The following RTTN variants were observed in gnomAD, a reference collection of about 807,000 sequenced individuals.
RTTN encodes the protein rotatin.
In RTTN, 182 loss-of-function variants were observed where a neutral mutation model predicts 269.2. That is an observed-to-expected ratio of 0.68 (90% CI 0.60 to 0.76). The LOEUF (loss-of-function observed/expected upper bound fraction) is 0.76, where lower values mean the gene tolerates loss of function less well. Among genes scored for constraint, RTTN ranks in the 30% least tolerant of loss-of-function variants. The pLI, the probability that RTTN is intolerant of heterozygous loss-of-function variation, is 0.00. For missense variants in RTTN, 2,545 were observed against 2,608.6 expected (o/e 0.98, Z 0.53); for synonymous variants, 1,006 against 963.5 (o/e 1.04, Z -0.82).
intron 43 of RTTN, among the ~76,000 whole-genome samples, chr18:70,026,510 A>C (rs1599156604): frequency 6.6e-6 from 1 of 152,138 alleles, no homozygotes; most frequent in East Asian, 1.9e-4. Flanking sequence ...CCTTCTTGTC[A>C]TGATTGGAAG....
At chr18:70,023,570 T>G (rs1202424981) in intron 44 of RTTN, among the ~76,000 whole-genome samples, 1 of 152,144 alleles carries the variant, frequency 6.6e-6, no homozygotes, top group African/African-American at 2.4e-5. Context: ...TTTCTCCAAA[T>G]GAAGTTCACC....
intron 32 of RTTN, among the ~76,000 whole-genome samples, chr18:70,080,461 G>A (rs571544976): frequency 6.6e-6 from 1 of 152,230 alleles, no homozygotes; most frequent in African/African-American, 2.4e-5. Flanking sequence ...CCTGGCCAAA[G>A]CAAGAATGAT....
Position 70,193,326 on chromosome 18 carries a change from G to A in RTTN, c.969C>T (p.Pro323=), listed in dbSNP as rs1408341869. 3.7e-6 allele frequency: 6 copies of A among 1,611,314 alleles called. No individual in the cohort carries two copies. The highest frequency in any genetic ancestry group is 5.1e-6 in the Non-Finnish European group (6 of 1,178,720). The change falls in exon 8 of 49, where the codon CCC becomes CCT. Residue 323 remains proline, a synonymous_variant. Coordinates refer to ENST00000640769, the MANE Select transcript of RTTN (RefSeq NM_173630.4). ...CATCCCAGTCCTGGCCATCTCCTCTGGGTCGCTGGCCTGTGCGCCCAACCA... is the reference window on the plus strand; with the variant it reads ...CATCCCAGTCCTGGCCATCTCCTCTAGGTCGCTGGCCTGTGCGCCCAACCA... ...PSVVGRTGQR[P]RGDGQDWDAA...
At chr18:70,013,413 C>CTGTGTG (rs150097969) in intron 46 of RTTN, among the ~76,000 whole-genome samples, 2 of 145,572 alleles carry the variant, frequency 1.4e-5, no homozygotes, top group Non-Finnish European at 3.0e-5. Flanking sequence ...GTGTGTGTGT[C>CTGTGTG]TGTGTGTGTG....
intron 28 of RTTN, among the ~76,000 whole-genome samples, chr18:70,105,298 A>G (rs2059292750): frequency 6.6e-6 from 1 of 152,230 alleles, no homozygotes; most frequent in African/African-American, 2.4e-5. Flanking sequence ...CCTCCAAGCC[A>G]GGCGTGGGAT....
chr18:70,109,639 C>T lies in RTTN; in HGVS notation c.3762G>A (p.Ala1254=), dbSNP rs114459491. Residue 1254 remains alanine (A), a synonymous_variant, in exon 28 of 49, where the codon GCG becomes GCA. Coordinates refer to ENST00000640769, the MANE Select transcript of RTTN (RefSeq NM_173630.4). ...GGGACGGCAGGCCATAGAAATGAGG[C>T]GCATCCGTCACTTTCAGACACTGGA... is the stretch of plus-strand genomic sequence containing the variant. ...KLLQCLKVTD[A]PHFYGLPSLE... is the part of the protein sequence containing the mutation. The T allele has an allele frequency of 9.0e-4, 1,452 of 1,613,974 alleles. 12 individuals are homozygous for T. The African/African-American group carries it at 0.017, about 19-fold the overall frequency.
At chr18:70,160,161 G>A (rs1249782158) in intron 14 of RTTN, among the ~76,000 whole-genome samples, 1 of 151,188 alleles carries the variant, frequency 6.6e-6, no homozygotes, top group East Asian at 1.9e-4. Flanking sequence ...TATCTCTGAT[G>A]GACATAAATG....
Position 70,006,442 on chromosome 18 carries a change from T to G in RTTN, c.6464A>C (p.Asn2155Thr). ...TVLAACLESE[N>T]QNAQRIGAAA... ...TGCTCCAATCCTCTGAGCATTTTGA[T>G]TCTCACTTTCCAGACAGGCAGCAAG... The change falls in exon 47 of 49, where the codon AAT (asparagine) becomes ACT (threonine). Residue 2155 changes from asparagine (N) to threonine (T), a missense_variant. Asn to Thr is a moderately conservative substitution (Grantham distance 65). Coordinates refer to ENST00000640769, the MANE Select transcript of RTTN (RefSeq NM_173630.4). The G allele has an allele frequency of 6.2e-7, 1 of 1,614,142 alleles. No individual in the cohort carries two copies. Among genetic ancestry groups the G allele is most frequent in the Non-Finnish European group, 8.5e-7 (1 of 1,179,964 alleles).
intron 3 of RTTN, among the ~76,000 whole-genome samples, 165 bp downstream of exon 3, chr18:70,203,921 T>C (rs2146200326): frequency 6.6e-6 from 1 of 152,266 alleles, no homozygotes; most frequent in South Asian, 2.1e-4. Context: ...ATCCTTTGAC[T>C]AACAGTAGAG....
chr18:70,110,327 G>A (rs118026741), intron 27 of RTTN, among the ~76,000 whole-genome samples: 4,524 of 152,082 alleles, frequency 0.03, 105 homozygotes, highest in Middle Eastern at 0.058. Flanking sequence ...GATCGACGCA[G>A]AAGGCGGGTG....
At chr18:70,123,923 C>A (rs2059799843) in intron 25 of RTTN, among the ~76,000 whole-genome samples, 1 of 151,956 alleles carries the variant, frequency 6.6e-6, no homozygotes, top group Non-Finnish European at 1.5e-5. Flanking sequence ...AAGGCAGTAG[C>A]CCCTTTCTTC....
At chr18:70,184,049 A>C (rs182365096) in intron 10 of RTTN, among the ~76,000 whole-genome samples, 54 of 152,272 alleles carry the variant, frequency 3.5e-4, no homozygotes, top group Admixed American at 8.5e-4. Flanking sequence ...GAACCCTCCC[A>C]AAGTGCTTCT....
intron 24 of RTTN, 119 bp from the exon 25 acceptor site, chr18:70,127,860 GGT>G: frequency 2.1e-6 from 2 of 937,566 alleles, no homozygotes; most frequent in Non-Finnish European, 3.1e-6. Flanking sequence ...TTTAACAAAA[GGT>G]TGACTTACAG....
chr18:70,054,643 G>T (rs535026604), intron 37 of RTTN, among the ~76,000 whole-genome samples: 3 of 152,058 alleles, frequency 2.0e-5, no homozygotes, highest in Non-Finnish European at 4.4e-5. Flanking sequence ...GACCAGCCTG[G>T]GCAATACGGT....
chr18:70,054,200 C>T lies in RTTN; in HGVS notation c.5116G>A (p.Asp1706Asn). Residue 1706 changes from aspartate to asparagine, a missense_variant, in exon 38 of 49, where the codon GAT (aspartate) becomes AAT (asparagine). By Grantham distance (23) the Asp-to-Asn change is conservative. Coordinates refer to ENST00000640769, the MANE Select transcript of RTTN (RefSeq NM_173630.4). ...GTGATAAGAGGTTTCACAAGCTCAT[C>T]CTGAATCACAAGGTCAGGCTCCACC... is the stretch of plus-strand genomic sequence containing the variant. ...LLVEPDLVIQ[D>N]ELVKPLITNI... 1 of 1,613,878 alleles carries T rather than the reference C, an allele frequency of 6.2e-7. No homozygotes were observed. The highest frequency in any genetic ancestry group is 2.2e-5 in the East Asian group (1 of 44,846).
intron 45 of RTTN, among the ~76,000 whole-genome samples, chr18:70,020,412 ACT>A (rs1283809312): frequency 2.0e-5 from 3 of 152,116 alleles, no homozygotes; most frequent in Non-Finnish European, 4.4e-5. Context: ...AAATGGTATG[ACT>A]CTACTCTAGC....
intron 17 of RTTN, among the ~76,000 whole-genome samples, chr18:70,146,936 T>G (rs1461377124): frequency 1.3e-5 from 2 of 152,234 alleles, no homozygotes; most frequent in Non-Finnish European, 2.9e-5. Context: ...TCAAGAGAGC[T>G]TAGAAAGGCT....
Position 70,127,505 on chromosome 18 carries a change from T to G in RTTN, c.3380A>C (p.Asn1127Thr), listed in dbSNP as rs1394913991. Residue 1127 changes from asparagine to threonine, a missense_variant, in exon 25 of 49, where the codon AAC (asparagine) becomes ACC (threonine). Asn to Thr is a moderately conservative substitution (Grantham distance 65, BLOSUM62 0). Transcript: ENST00000640769. ...GCAGCCTTGACCTTACACTGACCTG[T>G]TTAGTGCGGTGTGCCAAGCCAAGGA... ...LKSLAWHTAL[N>T]RFLQVLPACT... The G allele has an allele frequency of 6.2e-7, 1 of 1,613,110 alleles. No individual in the cohort carries two copies. Among genetic ancestry groups the G allele is most frequent in the Non-Finnish European group, 8.5e-7 (1 of 1,179,548 alleles).
intron 14 of RTTN, among the ~76,000 whole-genome samples, chr18:70,160,355 C>T (rs1254199925): frequency 1.7e-5 from 1 of 60,324 alleles, no homozygotes; most frequent in African/African-American, 2.6e-5. Context: ...TCAACAGACA[C>T]AGAAAAGGCT....
Sources: gnomAD v4.1 joint callset for allele counts (sites outside exome capture counted in the v4.1 genomes callset) on GRCh38, gnomAD v4.1.1 for gene constraint, MANE v1.5 for transcripts, NCBI Gene and HGNC (gene_info 2026-07-23, HGNC 2026-07-21) for gene names.